RELB: variants seen among roughly 807,000 people sequenced by gnomAD.
RELB encodes the protein transcription factor RelB.
In RELB, 14 loss-of-function variants were observed where a neutral mutation model predicts 55.4. That is an observed-to-expected ratio of 0.25 (90% CI 0.17 to 0.40). The LOEUF (loss-of-function observed/expected upper bound fraction) is 0.40. RELB is among the 10% of genes least tolerant of loss of function. The pLI is 1.00. For missense variants in RELB, 669 were observed against 830.7 expected (o/e 0.81, Z 2.39); for synonymous variants, 409 against 371.3 (o/e 1.10, Z -1.17).
rs1216022760 is a variant in RELB at position 45,025,310 on chromosome 19, T to TC, written c.663-14dup. 4.4e-6 allele frequency: 7 copies of TC among 1,584,178 alleles called. No homozygotes were observed. Among genetic ancestry groups the TC allele is most frequent in the Non-Finnish European group, 6.0e-6 (7 of 1,160,786 alleles). On this transcript the variant is annotated intron_variant, in intron 5 of 11. Coordinates refer to ENST00000221452, the MANE Select transcript of RELB (RefSeq NM_006509.4). ...GCCTGCTCACGAGCACTCCTCTCCCTCCCCCGTCACCCCCTCAGTTTTAAC... is the reference window on the plus strand; with the variant it reads ...GCCTGCTCACGAGCACTCCTCTCCCTCCCCCCGTCACCCCCTCAGTTTTAAC...
intron 5 of RELB, among the ~76,000 whole-genome samples, chr19:45,024,541 AC>A (rs1971534276): frequency 6.7e-6 from 1 of 150,236 alleles, no homozygotes; most frequent in East Asian, 2.0e-4. Flanking sequence ...CTTCTCAAGA[AC>A]CTTTGACATG....
At chr19:45,020,954 C>T (rs546290432) in intron 4 of RELB, among the ~76,000 whole-genome samples, 40 of 152,262 alleles carry the variant, frequency 2.6e-4, no homozygotes, top group African/African-American at 8.4e-4. Flanking sequence ...GCAGGCAGAT[C>T]GCTTGAGTTC....
At chr19:45,031,587 T>G (rs529714352) in intron 8 of RELB, among the ~76,000 whole-genome samples, 36 of 152,190 alleles carry the variant, frequency 2.4e-4, no homozygotes, top group African/African-American at 8.7e-4. Context: ...CTTTTGTTTG[T>G]TTGTTTGAGG....
At chr19:45,005,894 G>C (rs1027159826) in intron 2 of RELB, among the ~76,000 whole-genome samples, 2 of 152,100 alleles carry the variant, frequency 1.3e-5, no homozygotes, top group African/African-American at 4.8e-5. Context: ...ATGAGCCACC[G>C]TGCCCGGCCA....
intron 7 of RELB, among the ~76,000 whole-genome samples, chr19:45,028,629 C>T (rs143221158): frequency 1.2e-4 from 18 of 152,124 alleles, no homozygotes; most frequent in Admixed American, 6.6e-4. Context: ...CCACCATGCC[C>T]GGCAAAAGAT....
At chr19:45,007,675 T>C (rs1197513918) in intron 2 of RELB, among the ~76,000 whole-genome samples, 1 of 151,170 alleles carries the variant, frequency 6.6e-6, no homozygotes, top group Non-Finnish European at 1.5e-5. Context: ...CTGGCCAACA[T>C]GGTGAAACCC....
chr19:45,033,065 G>A (rs566910755), intron 9 of RELB, among the ~76,000 whole-genome samples: 19 of 152,228 alleles, frequency 1.2e-4, no homozygotes, highest in South Asian at 2.1e-4. Context: ...TGACCAGCAC[G>A]GCCCCTAGCT....
At chr19:45,027,690 G>T (rs1971574877) in intron 7 of RELB, among the ~76,000 whole-genome samples, 1 of 151,872 alleles carries the variant, frequency 6.6e-6, no homozygotes, top group South Asian at 2.1e-4. Context: ...AAGATGAGGG[G>T]TGGTCCCTTG....
chr19:45,028,680 G>A lies in RELB; in HGVS notation c.887-208G>A, dbSNP rs74253342. ...ACACTCACCGGGCTTCAGCTTGAGG[G>A]CTGGCGATTGTTCGTTAACCCCTTC... On this transcript the variant is annotated intron_variant, in intron 7 of 11. Coordinates refer to ENST00000221452, the MANE Select transcript of RELB (RefSeq NM_006509.4). Among the ~76,000 whole-genome samples, 92 of 152,264 alleles carry A rather than the reference G, an allele frequency of 6.0e-4. 2 individuals carry two copies. The East Asian group carries it at 0.014, about 23-fold the overall frequency.
chr19:45,010,676 A>G (rs986955254), intron 3 of RELB, among the ~76,000 whole-genome samples: 55 of 152,080 alleles, frequency 3.6e-4, no homozygotes, highest in African/African-American at 1.3e-3. Flanking sequence ...TTTCTTATTT[A>G]TTTATTTAAG....
Position 45,037,486 on chromosome 19 carries a change from C to A in RELB, c.1436C>A (p.Pro479His). 1 of 1,612,202 alleles carries A rather than the reference C, an allele frequency of 6.2e-7. No homozygotes were observed. The highest frequency in any genetic ancestry group is 8.5e-7 in the Non-Finnish European group (1 of 1,179,648). The change falls in exon 12 of 12, where the codon CCT becomes CAT. Residue 479 changes from proline to histidine, a missense_variant. Coordinates refer to ENST00000221452, the MANE Select transcript of RELB (RefSeq NM_006509.4). ...GTGTCCCTGCCCGGCCTGGAGCCCC[C>A]TGGCGGGCCTGACCTCCTGGACGAT... Reference protein sequence around the residue: ...GTVSLPGLEPPGGPDLLDDGF... With the variant: ...GTVSLPGLEPHGGPDLLDDGF...
chr19:45,018,246 T>C (rs186468838), intron 4 of RELB, among the ~76,000 whole-genome samples: 2,095 of 151,926 alleles, frequency 0.014, 66 homozygotes, highest in African/African-American at 0.048. Flanking sequence ...CTACTAAAAA[T>C]ACAAAAAATT....
intron 7 of RELB, among the ~76,000 whole-genome samples, chr19:45,027,232 C>CA (rs34018517): frequency 0.42 from 52,185 of 125,082 alleles, 10,544 homozygotes; most frequent in South Asian, 0.59. Context: ...GACTCCTTCT[C>CA]AAAAAAAAAA....
chr19:45,015,270 C>T (rs1341744408), intron 4 of RELB, among the ~76,000 whole-genome samples: 1 of 152,202 alleles, frequency 6.6e-6, no homozygotes, highest in Non-Finnish European at 1.5e-5. Context: ...CAGTTACCTG[C>T]ACAGGGCACA....
At chr19:45,008,183 T>TAAATA (rs529347952) in intron 2 of RELB, among the ~76,000 whole-genome samples, 135 of 151,116 alleles carry the variant, frequency 8.9e-4, no homozygotes, top group African/African-American at 3.1e-3. Context: ...AAAATAAAAA[T>TAAATA]AAATAAAATA....
Position 45,002,837 on chromosome 19 carries a change from C to A in RELB, c.107-112C>A, listed in dbSNP as rs564040647. 4.8e-6 allele frequency: 4 copies of A among 828,122 alleles called. No individual in the cohort carries two copies. The Admixed American group carries it at 6.7e-5, about 14-fold the overall frequency. The allele number at this position is 828,122 out of a possible 1,614,324, so 51.3% of individuals were successfully genotyped here. On this transcript the variant is annotated intron_variant, in intron 1 of 11. Coordinates refer to ENST00000221452, the MANE Select transcript of RELB (RefSeq NM_006509.4). ...GCAGGGGGGCAGTCAGGGCGAGGGG[C>A]CTGATCCAGAGGGGAAGGGCTAGAA...
intron 4 of RELB, among the ~76,000 whole-genome samples, chr19:45,021,600 C>T (rs1388578621): frequency 7.9e-5 from 9 of 113,916 alleles, no homozygotes; most frequent in Non-Finnish European, 1.0e-4. Flanking sequence ...TTTTTGAGAC[C>T]GTCATATTCT....
Position 45,001,884 on chromosome 19 carries a change from G to C in RELB, c.106+199G>C, listed in dbSNP as rs35054709. ...AGGGGGTACGGCCCGAGGTTCGAGC[G>C]AGGCGTCCCGCTGTAGAGTGAGAGG... On this transcript the variant is annotated intron_variant, in intron 1 of 11. Transcript: ENST00000221452. Among the ~76,000 whole-genome samples the C allele has an allele frequency of 4.9e-3, 752 of 152,300 alleles. 7 individuals are homozygous for C. The highest frequency in any genetic ancestry group is 0.017 in the African/African-American group (719 of 41,558).
rs752747529 is a variant in RELB at position 45,025,699 on chromosome 19, G to A, written c.848G>A (p.Arg283Gln). Residue 283 changes from arginine to glutamine, a missense_variant, in exon 7 of 12, where the codon CGG (arginine) becomes CAG (glutamine). Coordinates refer to ENST00000221452, the MANE Select transcript of RELB (RefSeq NM_006509.4). ...SYRDQQGQMRRMDPVLSEPVY... is the reference protein window; with the variant it reads ...SYRDQQGQMRQMDPVLSEPVY... ...CGGGACCAGCAGGGACAGATGCGCC[G>A]GATGGATCCTGTGCTTTCCGAGCCC... 30 of 1,613,884 alleles carry A rather than the reference G, an allele frequency of 1.9e-5. No homozygotes were observed. Among genetic ancestry groups the A allele is most frequent in the East Asian group, 2.2e-5 (1 of 44,890 alleles).
Sources: gnomAD v4.1 joint callset for allele counts (sites outside exome capture counted in the v4.1 genomes callset) on GRCh38, gnomAD v4.1.1 for gene constraint, MANE v1.5 for transcripts, NCBI Gene and HGNC (gene_info 2026-07-23, HGNC 2026-07-21) for gene names.